The following SIDT1 variants were observed in gnomAD, a reference collection of about 807,000 sequenced individuals.
SIDT1 encodes SID1 transmembrane family member 1.
SIDT1 carries 101 observed loss-of-function variants against 107.5 expected under a neutral mutation model. That is an observed-to-expected ratio of 0.94 (90% CI 0.80 to 1.11). The LOEUF (loss-of-function observed/expected upper bound fraction) is 1.11. Among genes scored for constraint, SIDT1 ranks in the 50% least tolerant of loss-of-function variants. The pLI, the probability that SIDT1 is intolerant of heterozygous loss-of-function variation, is 0.00. For missense variants in SIDT1, 1,076 were observed against 1,058.2 expected, an observed-to-expected ratio of 1.02 and a Z score of -0.23; for synonymous variants, 395 against 398.2, an observed-to-expected ratio of 0.99 and a Z score of 0.10.
intron 1 of SIDT1, among the ~76,000 whole-genome samples, chr3:113,542,925 TGTGTGTG>T (rs1560009430): frequency 2.6e-5 from 4 of 151,306 alleles, no homozygotes; most frequent in African/African-American, 9.8e-5. Flanking sequence ...TGTGTGTGTG[TGTGTGTG>T]TGTGTGTTTG....
chr3:113,576,262 G>A (rs535764507), intron 3 of SIDT1, among the ~76,000 whole-genome samples: 6 of 152,148 alleles, frequency 3.9e-5, no homozygotes, highest in East Asian at 3.9e-4. Flanking sequence ...CAATTGAAGA[G>A]AAAAAAACCT....
chr3:113,627,558 C>T (rs879792123), intron 24 of SIDT1, 88 bp from the exon 25 acceptor site: 9 of 1,278,036 alleles, frequency 7.0e-6, no homozygotes, highest in African/African-American at 1.5e-5. Context: ...CTAACAGTTT[C>T]CAGTCTGTGT....
In SIDT1 at chr3:113,566,365, T is replaced by C; in HGVS notation, c.223-55T>C. ...GTGTGTGTGTGTGTGTGTGTGTGTG[T>C]TTGCATGTGTGCATGTGCACGTTTT... On this transcript the variant is annotated intron_variant, in intron 1 of 24. Coordinates refer to ENST00000264852, the MANE Select transcript of SIDT1 (RefSeq NM_017699.3). The C allele has an allele frequency of 1.9e-6, 3 of 1,556,660 alleles. No individual in the cohort carries two copies. In the South Asian group the frequency reaches 3.5e-5, roughly 18 times the overall value.
At chr3:113,609,497 G>A (rs1362189212) in intron 17 of SIDT1, among the ~76,000 whole-genome samples, 2 of 152,158 alleles carry the variant, frequency 1.3e-5, no homozygotes, top group African/African-American at 4.8e-5. Flanking sequence ...GGTGGGATTA[G>A]CTTTCCTGAA....
chr3:113,602,242 T>C (rs1324285860), intron 11 of SIDT1, among the ~76,000 whole-genome samples: 1 of 152,224 alleles, frequency 6.6e-6, no homozygotes, highest in Admixed American at 6.5e-5. Context: ...TGCCCTTCCA[T>C]ATTGCTTGTG....
At chr3:113,596,651 C>T (rs894059204) in intron 10 of SIDT1, among the ~76,000 whole-genome samples, 1 of 152,132 alleles carries the variant, frequency 6.6e-6, no homozygotes, top group Non-Finnish European at 1.5e-5. Flanking sequence ...AGGCTCTGTG[C>T]TCTAAAACCA....
At chr3:113,608,803 C>T (rs1945529462) in intron 17 of SIDT1, among the ~76,000 whole-genome samples, 1 of 152,138 alleles carries the variant, frequency 6.6e-6, no homozygotes, top group African/African-American at 2.4e-5. Context: ...TATCTGGTGA[C>T]TCTGCCTTCA....
chr3:113,604,115 G>A lies in SIDT1; in HGVS notation c.1337+82G>A, dbSNP rs997919481. ...CAGAGCCACAACCACTTAGGCACAA[G>A]GTTTTAGTGTTTAATGAGGCACAGG... On this transcript the variant is annotated intron_variant, in intron 13 of 24. Coordinates refer to ENST00000264852, the MANE Select transcript of SIDT1 (RefSeq NM_017699.3). 3.1e-5 allele frequency: 30 copies of A among 980,472 alleles called. No homozygotes were observed. In the African/African-American group the frequency reaches 4.3e-4, roughly 14 times the overall value. The allele number at this position is 980,472 out of a possible 1,614,324, so 60.7% of individuals were successfully genotyped here.
chr3:113,619,584 C>A, intron 20 of SIDT1, 96 bp from the exon 21 acceptor site: 1 of 1,025,938 alleles, frequency 9.7e-7, no homozygotes, highest in South Asian at 1.4e-5. Context: ...TTCACCAATG[C>A]AATTGTTTTC....
At chr3:113,570,001 G>T (rs1942296383) in intron 3 of SIDT1, among the ~76,000 whole-genome samples, 2 of 152,152 alleles carry the variant, frequency 1.3e-5, no homozygotes, top group South Asian at 4.1e-4. Flanking sequence ...CACCTCCTGG[G>T]TTCAAGCGAT....
intron 1 of SIDT1, among the ~76,000 whole-genome samples, chr3:113,544,171 TTTTGTTTGTTTGTTTGTTTGTTTG>T (rs139256393): frequency 7.6e-6 from 1 of 131,708 alleles, no homozygotes; most frequent in Non-Finnish European, 1.6e-5. Context: ...TCATGAGTCT[TTTTGTTTGTTTGTTTGTTTGTTTG>T]TTTGTTTGTT....
At chr3:113,612,025 G>A (rs921365426) in intron 18 of SIDT1, 61 bp from the exon 19 acceptor site, 1 of 1,220,288 alleles carries the variant, frequency 8.2e-7, no homozygotes, top group Non-Finnish European at 1.2e-6. Flanking sequence ...GAGAGAGGAT[G>A]ATTTTGATGA....
At chr3:113,597,941 G>A (rs998032867) in intron 10 of SIDT1, among the ~76,000 whole-genome samples, 4 of 152,130 alleles carry the variant, frequency 2.6e-5, no homozygotes, top group Non-Finnish European at 4.4e-5. Flanking sequence ...CATACTTGAC[G>A]TTTAGAAGGA....
chr3:113,613,380 G>C (rs1398930524), intron 19 of SIDT1, among the ~76,000 whole-genome samples: 1 of 152,234 alleles, frequency 6.6e-6, no homozygotes, highest in Non-Finnish European at 1.5e-5. Flanking sequence ...CTTTGGCCCT[G>C]CAGACTCCTC....
intron 24 of SIDT1, among the ~76,000 whole-genome samples, chr3:113,626,578 T>TTCC (rs756561839): frequency 6.7e-4 from 102 of 151,624 alleles, no homozygotes; most frequent in African/African-American, 1.4e-3. Context: ...CATACTCACA[T>TTCC]TCCTCCTCCT....
chr3:113,611,026 T>C lies in SIDT1; in HGVS notation c.1739T>C (p.Met580Thr), dbSNP rs1945694323. The C allele has an allele frequency of 1.2e-6, 2 of 1,614,024 alleles. No homozygotes were observed. The highest frequency in any genetic ancestry group is 2.2e-5 in the East Asian group (1 of 44,870). Reference sequence around the variant, plus strand: ...TCCTCAGACACCTCCTTCATGTACATGATCGCTGGCCTGTGCATGCTGAAG... The same window carrying C: ...TCCTCAGACACCTCCTTCATGTACACGATCGCTGGCCTGTGCATGCTGAAG... ...NFQFDTSFMY[M>T]IAGLCMLKLY... The change falls in exon 18 of 25, where the codon ATG becomes ACG. Residue 580 changes from methionine (M) to threonine (T), a missense_variant. By Grantham distance (81) the Met-to-Thr change is moderately conservative. Transcript: ENST00000264852.
chr3:113,577,785 A>G lies in SIDT1; in HGVS notation c.561+818A>G, dbSNP rs995069082. Among the ~76,000 whole-genome samples, 4 of 152,218 alleles carry G rather than the reference A, an allele frequency of 2.6e-5. No individual in the cohort carries two copies. In the East Asian group the frequency reaches 7.7e-4, roughly 29 times the overall value. On this transcript the variant is annotated intron_variant, in intron 4 of 24. Transcript: ENST00000264852. ...TTGGAGTAGTAAAACTGGGATTAACATGGACTTGTTGTAAATATACTACTG... is the reference window on the plus strand; with the variant it reads ...TTGGAGTAGTAAAACTGGGATTAACGTGGACTTGTTGTAAATATACTACTG...
intron 1 of SIDT1, among the ~76,000 whole-genome samples, chr3:113,533,669 T>C (rs1480840381): frequency 2.6e-5 from 4 of 152,158 alleles, no homozygotes; most frequent in Non-Finnish European, 5.9e-5. Context: ...CCCTTCTATT[T>C]CATAGCGCAT....
intron 1 of SIDT1, among the ~76,000 whole-genome samples, chr3:113,537,534 C>G (rs566867829): frequency 4.6e-5 from 7 of 152,352 alleles, no homozygotes; most frequent in South Asian, 2.1e-4. Context: ...CAAGAAGCCT[C>G]CTCTGCTGTC....
Sources: allele counts gnomAD v4.1 joint callset (sites outside exome capture counted in the v4.1 genomes callset), GRCh38; gene constraint gnomAD v4.1.1; transcripts MANE v1.5; gene names NCBI Gene and HGNC (gene_info 2026-07-23, HGNC 2026-07-21).